The following MAST4 variants were observed in gnomAD, a reference collection of about 807,000 sequenced individuals.
MAST4 encodes microtubule-associated serine/threonine-protein kinase 4.
MAST4 carries 89 observed loss-of-function variants against 162.7 expected under a neutral mutation model. The ratio of observed to expected loss-of-function variants is 0.55; its 90% CI spans 0.46 to 0.65. The LOEUF (loss-of-function observed/expected upper bound fraction) is 0.65, where lower values mean the gene tolerates loss of function less well. MAST4 is among the 30% of genes least tolerant of loss of function. The pLI is 0.00. For synonymous variants in MAST4, 1,479 were observed against 1,361.1 expected (o/e 1.09, Z -1.91); for missense variants, 3,153 against 3,374.0 (o/e 0.93, Z 1.62).
rs77332492 is a variant in MAST4 at position 66,911,439 on chromosome 5, C to T, written c.674+11457C>T. On this transcript the variant is annotated intron_variant, in intron 4 of 28. Coordinates refer to ENST00000403625, the MANE Select transcript of MAST4 (RefSeq NM_001164664.2). The stretch of plus-strand genomic sequence containing the variant: ...AGTTCAGGCTGGATGCAGTTGCTTA[C>T]TCCTATAATGCCAGCACTTGGAGAG... 8.1e-3 allele frequency among the ~76,000 whole-genome samples: 1,225 copies of T among 151,904 alleles called. 17 individuals carry two copies. The highest frequency in any genetic ancestry group is 0.028 in the African/African-American group (1,148 of 41,412).
intron 1 of MAST4, among the ~76,000 whole-genome samples, chr5:66,651,618 C>T (rs1046275019): frequency 1.3e-5 from 2 of 151,804 alleles, no homozygotes; most frequent in African/African-American, 2.4e-5. Context: ...GTGACAAATT[C>T]CTCCAAAATG....
intron 1 of MAST4, among the ~76,000 whole-genome samples, chr5:66,743,128 C>G (rs987398997): frequency 6.6e-6 from 1 of 152,202 alleles, no homozygotes; most frequent in Non-Finnish European, 1.5e-5. Context: ...GCAGCCTTCT[C>G]TAATCACTCA....
intron 11 of MAST4, 36 bp from the exon 12 acceptor site, chr5:67,114,051 T>C: frequency 1.2e-6 from 2 of 1,611,794 alleles, no homozygotes; most frequent in Non-Finnish European, 1.7e-6. Flanking sequence ...CAATTTTGGC[T>C]CAAAGAAGTA....
chr5:66,841,537 G>A (rs946525842), intron 3 of MAST4, among the ~76,000 whole-genome samples: 4 of 152,124 alleles, frequency 2.6e-5, no homozygotes, highest in African/African-American at 9.7e-5. Flanking sequence ...TTTCTGGGGA[G>A]GGCTCTCTTC....
chr5:66,891,268 G>A (rs978977870), intron 3 of MAST4, among the ~76,000 whole-genome samples: 1 of 152,082 alleles, frequency 6.6e-6, no homozygotes, highest in Non-Finnish European at 1.5e-5. Context: ...AATCAGCCCA[G>A]GAGTTAAGCA....
intron 4 of MAST4, among the ~76,000 whole-genome samples, chr5:67,017,390 T>C (rs2662226): frequency 0.37 from 56,084 of 151,956 alleles, 10,906 homozygotes; most frequent in South Asian, 0.47. Flanking sequence ...AACCTAGGCC[T>C]AAGAGTTACT....
At chr5:66,745,437 AGAAG>A (rs920337479) in intron 1 of MAST4, among the ~76,000 whole-genome samples, 1 of 152,192 alleles carries the variant, frequency 6.6e-6, no homozygotes, top group Non-Finnish European at 1.5e-5. Flanking sequence ...GCCCCCAATC[AGAAG>A]GAAAATAATT....
rs372917791 is a variant in MAST4 at position 66,864,539 on chromosome 5, G to A, written c.643-35412G>A. Among the ~76,000 whole-genome samples the A allele has an allele frequency of 9.2e-5, 14 of 152,204 alleles. No homozygotes were observed. The East Asian group carries it at 1.2e-3, about 13-fold the overall frequency. On this transcript the variant is annotated intron_variant, in intron 3 of 28. Coordinates refer to ENST00000403625, the MANE Select transcript of MAST4 (RefSeq NM_001164664.2). ...TTATGAGGGCATCTTTGCATATTAC[G>A]GCATCTTCCCTTGGTAGAATACAGA...
At chr5:67,153,665 A>G (rs777384966) in intron 26 of MAST4, 85 bp downstream of exon 26, 27 of 1,290,674 alleles carry the variant, frequency 2.1e-5, no homozygotes, top group Non-Finnish European at 2.8e-5. Context: ...TCCCTGTGTC[A>G]CACCCATGTC....
chr5:67,111,540 A>G (rs1349631142), intron 11 of MAST4, among the ~76,000 whole-genome samples: 1 of 152,184 alleles, frequency 6.6e-6, no homozygotes, highest in African/African-American at 2.4e-5. Context: ...CTAAAAGGAA[A>G]AAAAAATCTT....
Position 66,687,672 on chromosome 5 carries a change from C to G in MAST4, c.364-72037C>G, listed in dbSNP as rs954536632. Among the ~76,000 whole-genome samples the G allele has an allele frequency of 1.3e-3, 169 of 134,688 alleles. 3 individuals are homozygous for G. The East Asian group carries it at 0.03, about 24-fold the overall frequency. 88.4% of individuals were successfully genotyped at this position (134,688 alleles called of 152,430 possible). ...TCTATCTATCTATCTATCTATCTAT[C>G]TATCTATACGCACCACATTTTCATT... On this transcript the variant is annotated intron_variant, in intron 1 of 28. Transcript: ENST00000403625.
chr5:67,141,181 A>G (rs965358017), intron 19 of MAST4, among the ~76,000 whole-genome samples: 4 of 152,190 alleles, frequency 2.6e-5, no homozygotes, highest in Non-Finnish European at 5.9e-5. Context: ...CTGGGTGACA[A>G]CTACAAGAAA....
At chr5:66,917,931 T>C (rs1220667345) in intron 4 of MAST4, among the ~76,000 whole-genome samples, 2 of 152,156 alleles carry the variant, frequency 1.3e-5, no homozygotes, top group Non-Finnish European at 2.9e-5. Flanking sequence ...TTATCGTAAA[T>C]GCTTTTAAAA....
intron 1 of MAST4, among the ~76,000 whole-genome samples, chr5:66,614,728 T>A (rs771205622): frequency 6.6e-6 from 1 of 152,160 alleles, no homozygotes; most frequent in Admixed American, 6.5e-5. Context: ...ACATGGTACT[T>A]CCTACACCTC....
In MAST4 at chr5:67,078,926, A is replaced by T. The variant is rs1293690236; in HGVS notation, c.764-11236A>T. Among the ~76,000 whole-genome samples the T allele has an allele frequency of 1.3e-4, 11 of 87,738 alleles. No homozygotes were observed. The South Asian group carries it at 1.7e-3, about 13-fold the overall frequency. The allele number at this position is 87,738 out of a possible 152,430, so 57.6% of individuals were successfully genotyped here. On this transcript the variant is annotated intron_variant, in intron 5 of 28. Coordinates refer to ENST00000403625, the MANE Select transcript of MAST4 (RefSeq NM_001164664.2). ...TTTTTATATAAATATATATATATAT[A>T]TATATATATATATATATATATATAT... is the stretch of plus-strand genomic sequence containing the variant.
intron 17 of MAST4, 67 bp from the exon 18 acceptor site, chr5:67,134,456 A>G (rs1359519062): frequency 6.9e-7 from 1 of 1,445,366 alleles, no homozygotes; most frequent in Admixed American, 2.0e-5. Context: ...ATTGGTGACT[A>G]GCCATCTTGC....
chr5:66,722,994 A>C (rs954178629), intron 1 of MAST4, among the ~76,000 whole-genome samples: 1 of 152,146 alleles, frequency 6.6e-6, no homozygotes, highest in African/African-American at 2.4e-5. Context: ...AATGGAGTGA[A>C]GTGAGGGTGT....
intron 1 of MAST4, among the ~76,000 whole-genome samples, chr5:66,608,355 C>CTTTTTTTTTTTTT (rs72272071): frequency 2.3e-5 from 1 of 44,414 alleles, no homozygotes; most frequent in East Asian, 8.1e-4. Context: ...TGTGCCTGGC[C>CTTTTTTTTTTTTT]TTTTTTTTTT....
At position 66,754,072 on chromosome 5, in the gene MAST4, G is replaced by A. The variant is rs1372841958; in HGVS notation, c.364-5637G>A. Among the ~76,000 whole-genome samples the A allele has an allele frequency of 3.9e-5, 6 of 152,034 alleles. 1 individual carries two copies. Among genetic ancestry groups the A allele is most frequent in the Non-Finnish European group, 7.4e-5 (5 of 68,016 alleles). On this transcript the variant is annotated intron_variant, in intron 1 of 28. Transcript: ENST00000403625. ...AAACCACATGATTATATCAATAGAT[G>A]CAGAAAAGGCCTTTGACAAAATTCA...
Sources: gnomAD v4.1 joint callset for allele counts (sites outside exome capture counted in the v4.1 genomes callset) on GRCh38, gnomAD v4.1.1 for gene constraint, MANE v1.5 for transcripts, NCBI Gene and HGNC (gene_info 2026-07-23, HGNC 2026-07-21) for gene names.